EPHA6: variants seen among roughly 807,000 people sequenced by gnomAD.
EPHA6 encodes EPH receptor A6.
A neutral mutation model predicts 112.0 loss-of-function variants in EPHA6; 50 were observed. The ratio of observed to expected loss-of-function variants is 0.45; its 90% CI spans 0.36 to 0.56. The LOEUF is 0.56. Among genes scored for constraint, EPHA6 ranks in the 20% least tolerant of loss-of-function variants. The pLI, the probability that EPHA6 is intolerant of heterozygous loss-of-function variation, is 0.00. For missense variants in EPHA6, 1,280 were observed against 1,417.4 expected, an observed-to-expected ratio of 0.90 and a Z score of 1.56; for synonymous variants, 529 against 490.7, an observed-to-expected ratio of 1.08 and a Z score of -1.03.
intron 2 of EPHA6, among the ~76,000 whole-genome samples, chr3:96,976,262 G>T: frequency 6.6e-6 from 1 of 152,102 alleles, no homozygotes; most frequent in South Asian, 2.1e-4. Context: ...CTGGCTTATT[G>T]AATTTTATAA....
chr3:96,981,884 T>A (rs2042805567), intron 2 of EPHA6, among the ~76,000 whole-genome samples: 1 of 152,234 alleles, frequency 6.6e-6, no homozygotes, highest in African/African-American at 2.4e-5. Flanking sequence ...TGCATTTCTG[T>A]GGGATCAGTG....
chr3:96,949,754 C>T (rs956834262), intron 2 of EPHA6, among the ~76,000 whole-genome samples: 5 of 152,076 alleles, frequency 3.3e-5, no homozygotes, highest in African/African-American at 1.2e-4. Flanking sequence ...ATTTTTACCA[C>T]TTTCTTCTCT....
intron 11 of EPHA6, among the ~76,000 whole-genome samples, chr3:97,574,886 G>C (rs2093367938): frequency 6.6e-6 from 1 of 152,076 alleles, no homozygotes; most frequent in Non-Finnish European, 1.5e-5. Flanking sequence ...GGAAGGGGAA[G>C]AGGGTTGAAA....
At chr3:97,315,566 G>C (rs745767437) in intron 5 of EPHA6, among the ~76,000 whole-genome samples, 6 of 151,534 alleles carry the variant, frequency 4.0e-5, no homozygotes, top group Non-Finnish European at 8.9e-5. Context: ...AATATAGGAG[G>C]CATGTTATTT....
intron 2 of EPHA6, among the ~76,000 whole-genome samples, chr3:96,919,313 A>G (rs1358975854): frequency 6.6e-6 from 1 of 151,936 alleles, no homozygotes; most frequent in Non-Finnish European, 1.5e-5. Context: ...CTTTTCAAGA[A>G]TGACAAAATC....
rs1419275666 is a variant in EPHA6 at position 97,759,095 on chromosome 3, TAAAC to T, written c.*10396_*10399del. On this transcript the variant is annotated 3_prime_UTR_variant, in exon 18 of 18. Coordinates refer to ENST00000389672, the MANE Select transcript of EPHA6 (RefSeq NM_001080448.3). ...TGTTTAATAGGCAGATAATTAGAAT[TAAAC>T]AGAAGAAATGGAGTATAAAGTAAGC... Among the ~76,000 whole-genome samples the T allele has an allele frequency of 6.6e-6, 1 of 151,982 alleles. No homozygotes were observed. Among genetic ancestry groups the T allele is most frequent in the Non-Finnish European group, 1.5e-5 (1 of 67,886 alleles).
chr3:97,658,420 A>G, intron 14 of EPHA6, among the ~76,000 whole-genome samples: 1 of 151,114 alleles, frequency 6.6e-6, no homozygotes, highest in African/African-American at 2.4e-5. Context: ...CTATGATATA[A>G]CTATAACCTA....
intron 1 of EPHA6, among the ~76,000 whole-genome samples, chr3:96,852,842 A>G (rs1420904820): frequency 6.6e-6 from 1 of 152,164 alleles, no homozygotes; most frequent in African/African-American, 2.4e-5. Flanking sequence ...TATTCAGCTA[A>G]TAAGATATTC....
At chr3:97,491,302 C>T (rs1294101427) in intron 10 of EPHA6, among the ~76,000 whole-genome samples, 2 of 152,136 alleles carry the variant, frequency 1.3e-5, no homozygotes, top group African/African-American at 4.8e-5. Context: ...AATTAGCCAG[C>T]ATTACCAGGA....
chr3:96,922,253 A>T (rs1278501584), intron 2 of EPHA6, among the ~76,000 whole-genome samples: 2 of 152,192 alleles, frequency 1.3e-5, no homozygotes, highest in Non-Finnish European at 2.9e-5. Context: ...CTCCTGCTAA[A>T]TAAAGAAGTA....
In EPHA6 at chr3:96,845,639, T is replaced by A. The variant is rs1252153902; in HGVS notation, c.386-21186T>A. On this transcript the variant is annotated intron_variant, in intron 1 of 17. Transcript: ENST00000389672. Reference sequence around the variant, plus strand: ...AATCTTTACTTGCTAGGAAAACTAATGTGTTAATTATATTATCACTTTATC... The same window carrying A: ...AATCTTTACTTGCTAGGAAAACTAAAGTGTTAATTATATTATCACTTTATC... Among the ~76,000 whole-genome samples, 4 of 151,700 alleles carry A rather than the reference T, an allele frequency of 2.6e-5. No individual in the cohort carries two copies. The South Asian group carries it at 6.2e-4, about 24-fold the overall frequency.
intron 3 of EPHA6, among the ~76,000 whole-genome samples, chr3:97,223,584 C>G (rs2078266402): frequency 6.6e-6 from 1 of 152,098 alleles, no homozygotes; most frequent in East Asian, 1.9e-4. Flanking sequence ...CCATGCGGTG[C>G]TTGGGAGGCA....
intron 3 of EPHA6, among the ~76,000 whole-genome samples, chr3:97,101,574 A>G (rs72920284): frequency 0.21 from 31,986 of 151,866 alleles, 4,780 homozygotes; most frequent in African/African-American, 0.4. Flanking sequence ...CATTTAAGCA[A>G]GTTTTTCTGT....
At chr3:97,512,867 A>T (rs964794262) in intron 10 of EPHA6, among the ~76,000 whole-genome samples, 4 of 152,096 alleles carry the variant, frequency 2.6e-5, no homozygotes, top group South Asian at 4.1e-4. Flanking sequence ...GTCTGGCCCA[A>T]TACTGATTGT....
chr3:96,889,523 A>G (rs1200894133), intron 2 of EPHA6, among the ~76,000 whole-genome samples: 1 of 152,116 alleles, frequency 6.6e-6, no homozygotes, highest in Non-Finnish European at 1.5e-5. Context: ...TTATAAAACC[A>G]TCAAATCTTG....
At chr3:96,907,198 T>C (rs2038980241) in intron 2 of EPHA6, among the ~76,000 whole-genome samples, 1 of 151,982 alleles carries the variant, frequency 6.6e-6, no homozygotes, top group Non-Finnish European at 1.5e-5. Flanking sequence ...CTTGAAGATT[T>C]TACTTAAACA....
intron 14 of EPHA6, among the ~76,000 whole-genome samples, chr3:97,703,270 A>C (rs2033499312): frequency 6.6e-6 from 1 of 152,204 alleles, no homozygotes; most frequent in Non-Finnish European, 1.5e-5. Context: ...GACTGACCTC[A>C]TGTTTCAAAT....
chr3:97,015,057 G>T (rs536412155), intron 3 of EPHA6, among the ~76,000 whole-genome samples: 2 of 152,240 alleles, frequency 1.3e-5, no homozygotes, highest in East Asian at 3.9e-4. Context: ...ATTGACACAA[G>T]TTTTATCATT....
intron 10 of EPHA6, among the ~76,000 whole-genome samples, chr3:97,487,015 A>G (rs981229461): frequency 6.6e-6 from 1 of 152,172 alleles, no homozygotes; most frequent in Non-Finnish European, 1.5e-5. Context: ...CCCCTTGGAA[A>G]TGTAAATTAA....
Sources: allele counts gnomAD v4.1 joint callset (sites outside exome capture counted in the v4.1 genomes callset), GRCh38; gene constraint gnomAD v4.1.1; transcripts MANE v1.5; gene names NCBI Gene and HGNC (gene_info 2026-07-23, HGNC 2026-07-21).